Variants in ANK3 observed in about 807,000 individuals in gnomAD.
ANK3 encodes the protein ankyrin-3.
In ANK3, 57 loss-of-function variants were observed where a neutral mutation model predicts 370.9. The observed-to-expected ratio is 0.15, with a 90% confidence interval of 0.12 to 0.19. The LOEUF (loss-of-function observed/expected upper bound fraction) is 0.19, where lower values mean the gene tolerates loss of function less well. Among genes scored for constraint, ANK3 ranks in the 10% least tolerant of loss-of-function variants. ANK3 has a pLI of 1.00. For synonymous variants in ANK3, 1,929 were observed against 1,946.3 expected (o/e 0.99, Z 0.23); for missense variants, 4,439 against 5,302.1 (o/e 0.84, Z 5.06).
chr10:60,076,411 G>A lies in ANK3; in HGVS notation c.4470C>T (p.Thr1490=). ...RSTGATRSLP[T]TYSYKPFFST... ...AAAAGAATGGCTTGTATGAGTAAGT[G>A]GTGGGGAGGGATCTTGTTGCTCCTG... Residue 1490 remains threonine, a synonymous_variant, in exon 37 of 44, where the codon ACC becomes ACT. Transcript: ENST00000280772. 6.2e-7 allele frequency: 1 copy of A among 1,612,626 alleles called. No homozygotes were observed.
intron 1 of ANK3, among the ~76,000 whole-genome samples, chr10:60,380,587 A>G (rs1409132534): frequency 6.6e-6 from 1 of 152,182 alleles, no homozygotes. Flanking sequence ...TACGTCATGC[A>G]TGTGGTAGAA....
intron 1 of ANK3, among the ~76,000 whole-genome samples, chr10:60,616,647 T>C (rs1320314129): frequency 6.6e-6 from 1 of 151,762 alleles, no homozygotes; most frequent in Non-Finnish European, 1.5e-5. Flanking sequence ...ATTGTAATAA[T>C]CTCCTTGCAC....
Position 60,389,489 on chromosome 10 carries a change from T to C in ANK3, c.50A>G (p.Asn17Ser). 5 of 1,614,094 alleles carry C rather than the reference T, an allele frequency of 3.1e-6. No homozygotes were observed. The highest frequency in any genetic ancestry group is 1.6e-4 in the Middle Eastern group (1 of 6,062). The change falls in exon 1 of 44, where the codon AAT (asparagine) becomes AGT (serine). Residue 17 changes from asparagine (N) to serine (S), a missense_variant. Asn to Ser is a conservative substitution (Grantham distance 46). Coordinates refer to ENST00000280772, the MANE Select transcript of ANK3 (RefSeq NM_020987.5). ...QLKKNRDLEI[N>S]AEEEPEKKRK... ...TTTTTTCTCAGGCTCTTCTTCAGCA[T>C]TGATTTCTAAATCCCTGTTTTTCTT...
chr10:60,535,689 A>G (rs2076708828), intron 2 of ANK3, among the ~76,000 whole-genome samples: 1 of 152,076 alleles, frequency 6.6e-6, no homozygotes, highest in Admixed American at 6.6e-5. Context: ...CTCACAGGGC[A>G]AATATTGGTT....
intron 16 of ANK3, among the ~76,000 whole-genome samples, chr10:60,189,837 T>C (rs1350598221): frequency 6.6e-6 from 1 of 152,234 alleles, no homozygotes; most frequent in Non-Finnish European, 1.5e-5. Context: ...CAATTTGAAA[T>C]TATCAAAAGT....
At chr10:60,116,026 A>T (rs1565113911) in intron 25 of ANK3, among the ~76,000 whole-genome samples, 1 of 152,190 alleles carries the variant, frequency 6.6e-6, no homozygotes, top group Non-Finnish European at 1.5e-5. Context: ...AAAACACATC[A>T]GCAGAAAAAC....
intron 1 of ANK3, among the ~76,000 whole-genome samples, chr10:60,376,974 G>A (rs918369393): frequency 9.2e-5 from 14 of 152,190 alleles, no homozygotes; most frequent in Admixed American, 2.6e-4. Flanking sequence ...GTAAAACAGG[G>A]ATCGTTAACA....
chr10:60,167,483 A>G (rs1296830176), intron 21 of ANK3, among the ~76,000 whole-genome samples: 1 of 152,142 alleles, frequency 6.6e-6, no homozygotes, highest in African/African-American at 2.4e-5. Flanking sequence ...AGAACAGTAT[A>G]TTATGCAGCA....
At chr10:60,681,923 C>T (rs75559581) in intron 1 of ANK3, among the ~76,000 whole-genome samples, 5 of 151,976 alleles carry the variant, frequency 3.3e-5, no homozygotes, top group Admixed American at 6.6e-5. Flanking sequence ...ACACCAGGGC[C>T]GGAGAATCAC....
At chr10:60,039,015 T>C (rs10994160) in intron 43 of ANK3, among the ~76,000 whole-genome samples, 26,368 of 152,144 alleles carry the variant, frequency 0.17, 2,746 homozygotes, top group African/African-American at 0.29. Context: ...CATTCTTTCA[T>C]TGGATCCTGG....
chr10:60,121,813 A>C (rs1003611225), intron 25 of ANK3, among the ~76,000 whole-genome samples: 1 of 152,248 alleles, frequency 6.6e-6, no homozygotes, highest in Non-Finnish European at 1.5e-5. Context: ...TGTTTGTAGC[A>C]CAAAGGACAA....
intron 42 of ANK3, 169 bp from the exon 43 acceptor site, chr10:60,042,928 C>A (rs2076364364): frequency 1.4e-6 from 2 of 1,418,868 alleles, no homozygotes; most frequent in Non-Finnish European, 1.8e-6. Context: ...CACAGTTTAG[C>A]ATCATCAAGC....
intron 25 of ANK3, among the ~76,000 whole-genome samples, chr10:60,123,953 C>A (rs1328959486): frequency 6.6e-6 from 1 of 152,098 alleles, no homozygotes; most frequent in African/African-American, 2.4e-5. Context: ...TTGAATCAGG[C>A]TCTGTCACTC....
intron 1 of ANK3, among the ~76,000 whole-genome samples, chr10:60,341,589 T>G (rs2132983249): frequency 6.6e-6 from 1 of 152,300 alleles, no homozygotes; most frequent in East Asian, 1.9e-4. Flanking sequence ...GGCAGGCTTC[T>G]GCTTTGCACT....
chr10:60,619,310 T>C (rs1054880085), intron 1 of ANK3, among the ~76,000 whole-genome samples: 1 of 152,040 alleles, frequency 6.6e-6, no homozygotes, highest in Non-Finnish European at 1.5e-5. Context: ...AAGACCCTGT[T>C]CCTCCCTAAC....
intron 1 of ANK3, among the ~76,000 whole-genome samples, chr10:60,375,576 G>C (rs1473474131): frequency 6.6e-6 from 1 of 152,094 alleles, no homozygotes; most frequent in Non-Finnish European, 1.5e-5. Flanking sequence ...ACTGACTGTC[G>C]GGGTGCTGGT....
rs762320664 is a variant in ANK3, at chr10:60,070,279, T to G, written c.10602A>C (p.Thr3534=). 8.1e-6 allele frequency: 13 copies of G among 1,614,020 alleles called. No individual in the cohort carries two copies. In the South Asian group the frequency reaches 1.3e-4, roughly 16 times the overall value. Residue 3534 remains threonine (T), a synonymous_variant, in exon 37 of 44, where the codon ACA becomes ACC. Coordinates refer to ENST00000280772, the MANE Select transcript of ANK3 (RefSeq NM_020987.5). This position sits in a 1 kb window ranked among gnomAD's most constrained non-coding sequence, Gnocchi z 5.7. ...VDEEFATPFK[T]VATKGLDFDP... is the part of the protein sequence containing the mutation. ...CAAAATCTAGACCTTTGGTAGCTAC[T>G]GTTTTAAAAGGAGTGGCAAATTCTT... is the stretch of plus-strand genomic sequence containing the variant.
intron 2 of ANK3, among the ~76,000 whole-genome samples, chr10:60,417,944 ATTTCTAT>A (rs1455561154): frequency 6.6e-6 from 1 of 152,096 alleles, no homozygotes; most frequent in Non-Finnish European, 1.5e-5. Context: ...CCACATACAC[ATTTCTAT>A]TTTCTTGAAG....
Position 60,668,765 on chromosome 10 carries a change from G to A in ANK3, c.58-53541C>T, listed in dbSNP as rs900009394. On this transcript the variant is annotated intron_variant, in intron 1 of 43. Coordinates refer to the ANK3 transcript ENST00000373827. The stretch of plus-strand genomic sequence containing the variant: ...TCCCAGCACTTTGGGAGGCTGAGGC[G>A]GGTGGATCACAAGGTCAGGAGTTCG... Among the ~76,000 whole-genome samples, 7 of 152,084 alleles carry A rather than the reference G, an allele frequency of 4.6e-5. No individual in the cohort carries two copies. In the East Asian group the frequency reaches 5.8e-4, roughly 13 times the overall value.
Sources: allele counts gnomAD v4.1 joint callset (sites outside exome capture counted in the v4.1 genomes callset), GRCh38; gene constraint gnomAD v4.1.1; non-coding constraint Gnocchi (gnomAD v3.1); transcripts MANE v1.5; gene names NCBI Gene and HGNC (gene_info 2026-07-23, HGNC 2026-07-21).